OPCML: variants seen among roughly 807,000 people sequenced by gnomAD.
OPCML encodes opioid-binding protein/cell adhesion molecule.
OPCML carries 13 observed loss-of-function variants against 37.8 expected under a neutral mutation model. The observed-to-expected ratio is 0.34, with a 90% CI of 0.22 to 0.55. The LOEUF is 0.55. Among genes scored for constraint, OPCML ranks in the 20% least tolerant of loss-of-function variants. The pLI is 0.91. For synonymous variants in OPCML, 176 were observed against 168.8 expected (o/e 1.04, Z -0.33); for missense variants, 341 against 435.6 (o/e 0.78, Z 1.93).
chr11:133,434,222 C>T (rs970968582), intron 1 of OPCML, among the ~76,000 whole-genome samples: 1 of 152,214 alleles, frequency 6.6e-6, no homozygotes, highest in Non-Finnish European at 1.5e-5. Context: ...CTCACGTCTT[C>T]GCTTATTCTG....
At chr11:133,001,739 G>A (rs765605456) in intron 1 of OPCML, among the ~76,000 whole-genome samples, 1 of 152,152 alleles carries the variant, frequency 6.6e-6, no homozygotes, top group Non-Finnish European at 1.5e-5. Flanking sequence ...AAACCCAAAG[G>A]CCTATAGATT....
chr11:133,042,031 G>T (rs986364218), intron 1 of OPCML, among the ~76,000 whole-genome samples: 1 of 152,108 alleles, frequency 6.6e-6, no homozygotes, highest in Non-Finnish European at 1.5e-5. Context: ...TCAGCATGCC[G>T]TGCAGAGCTG....
chr11:133,261,879 G>T (rs943523488), intron 1 of OPCML, among the ~76,000 whole-genome samples: 1 of 152,110 alleles, frequency 6.6e-6, no homozygotes, highest in African/African-American at 2.4e-5. Context: ...GGCTGTGCAG[G>T]CTAACCCAGT....
intron 1 of OPCML, among the ~76,000 whole-genome samples, chr11:133,382,533 C>T (rs1944952304): frequency 6.6e-6 from 1 of 152,170 alleles, no homozygotes; most frequent in South Asian, 2.1e-4. Context: ...CACATCACTG[C>T]CCAGGCAGCC....
At chr11:132,600,755 G>A (rs558762718) in intron 3 of OPCML, among the ~76,000 whole-genome samples, 15 of 149,024 alleles carry the variant, frequency 1.0e-4, no homozygotes, top group African/African-American at 3.2e-4. Context: ...ACCCTTAAAT[G>A]TATATCATAT....
intron 2 of OPCML, among the ~76,000 whole-genome samples, chr11:132,867,762 T>C (rs1387989837): frequency 1.3e-5 from 2 of 152,188 alleles, no homozygotes; most frequent in African/African-American, 4.8e-5. Flanking sequence ...CTGCCCTAAG[T>C]GTAATGGTTC....
chr11:133,002,693 TG>T (rs1339640528), intron 1 of OPCML, among the ~76,000 whole-genome samples: 2 of 151,476 alleles, frequency 1.3e-5, no homozygotes, highest in African/African-American at 4.9e-5. Context: ...AGATAATATA[TG>T]TGTGGGTGTG....
At chr11:133,261,947 T>C (rs1482537964) in intron 1 of OPCML, among the ~76,000 whole-genome samples, 2 of 152,148 alleles carry the variant, frequency 1.3e-5, no homozygotes, top group Non-Finnish European at 2.9e-5. Context: ...CGGATGTTCT[T>C]GATCTCATCC....
chr11:133,125,253 C>T (rs1949482893), intron 1 of OPCML, among the ~76,000 whole-genome samples: 1 of 152,014 alleles, frequency 6.6e-6, no homozygotes, highest in Non-Finnish European at 1.5e-5. Context: ...TGAAAACATC[C>T]CTTCCCTGGA....
At chr11:132,465,414 C>G (rs1425730085) in intron 4 of OPCML, among the ~76,000 whole-genome samples, 1 of 152,118 alleles carries the variant, frequency 6.6e-6, no homozygotes, top group African/African-American at 2.4e-5. Flanking sequence ...AAAATATCTC[C>G]TTATAGTAAT....
chr11:133,161,995 T>A (rs1592061990), intron 1 of OPCML, among the ~76,000 whole-genome samples: 1 of 147,030 alleles, frequency 6.8e-6, no homozygotes, highest in African/African-American at 2.5e-5. Flanking sequence ...CTTTTTTTTT[T>A]TTTTTTTTTT....
chr11:132,706,812 G>T (rs554286974), intron 2 of OPCML, among the ~76,000 whole-genome samples: 1 of 152,148 alleles, frequency 6.6e-6, no homozygotes, highest in South Asian at 2.1e-4. Context: ...CTAATTAGGG[G>T]TTTATTTGTT....
intron 2 of OPCML, among the ~76,000 whole-genome samples, chr11:132,790,826 T>C (rs1565866161): frequency 6.6e-6 from 1 of 152,194 alleles, no homozygotes; most frequent in African/African-American, 2.4e-5. Flanking sequence ...ATTTTGGTTA[T>C]GGGAAAAGAG....
intron 1 of OPCML, chr11:133,118,530 A>T: frequency 1.8e-6 from 1 of 563,276 alleles, no homozygotes; most frequent in Non-Finnish European, 2.3e-6. Flanking sequence ...AGCAAGACTC[A>T]TGGAGACATG....
intron 1 of OPCML, chr11:133,024,836 G>C: frequency 1.0e-6 from 1 of 985,372 alleles, no homozygotes; most frequent in African/African-American, 1.7e-5. Context: ...GACCTGGTGA[G>C]GGAAAGGACC....
chr11:133,343,261 G>A (rs1054367709), intron 1 of OPCML, among the ~76,000 whole-genome samples: 3 of 152,148 alleles, frequency 2.0e-5, no homozygotes, highest in East Asian at 3.9e-4. Flanking sequence ...TAATCACTCC[G>A]TGACTCGGGG....
At chr11:132,645,874 C>T (rs1355789715) in intron 3 of OPCML, among the ~76,000 whole-genome samples, 2 of 152,216 alleles carry the variant, frequency 1.3e-5, no homozygotes, top group African/African-American at 4.8e-5. Context: ...AAATACAGAG[C>T]ATTTCCGTCA....
At chr11:133,493,380 A>G (rs1341135877) in intron 1 of OPCML, among the ~76,000 whole-genome samples, 1 of 152,228 alleles carries the variant, frequency 6.6e-6, no homozygotes, top group Non-Finnish European at 1.5e-5. Context: ...TAAATACACA[A>G]GGCACCAAAA....
intron 1 of OPCML, among the ~76,000 whole-genome samples, chr11:133,289,973 G>A (rs921452048): frequency 2.6e-5 from 4 of 152,148 alleles, no homozygotes; most frequent in African/African-American, 7.2e-5. Flanking sequence ...GAGGAACCTT[G>A]GAAGAAAACT....
Sources: allele counts gnomAD v4.1 joint callset (sites outside exome capture counted in the v4.1 genomes callset), GRCh38; gene constraint gnomAD v4.1.1; transcripts MANE v1.5; gene names NCBI Gene and HGNC (gene_info 2026-07-23, HGNC 2026-07-21).